Variants in MROH1 observed in about 807,000 individuals in gnomAD.
MROH1 encodes the protein maestro heat like repeat family member 1, also known as maestro heat-like repeat-containing protein family member 1.
In MROH1, 117 loss-of-function variants were observed where a neutral mutation model predicts 116.5. The ratio of observed to expected loss-of-function variants is 1.00; its 90% CI spans 0.86 to 1.17. MROH1 has a LOEUF of 1.17. Ranked by LOEUF, MROH1 falls within the 50% of genes most tolerant of loss-of-function variation. The pLI is 0.00. For missense variants in MROH1, 1,873 were observed against 1,338.5 expected (o/e 1.40, Z -6.23); for synonymous variants, 921 against 583.9 (o/e 1.58, Z -8.32).
At chr8:144,169,142 CA>C (rs1821771157) in intron 4 of MROH1, among the ~76,000 whole-genome samples, 1 of 152,242 alleles carries the variant, frequency 6.6e-6, no homozygotes, top group Non-Finnish European at 1.5e-5. Context: ...AACTGTTATG[CA>C]CGCTTTCTAG....
At chr8:144,169,995 G>A (rs1421603827) in intron 4 of MROH1, among the ~76,000 whole-genome samples, 3 of 152,108 alleles carry the variant, frequency 2.0e-5, no homozygotes, top group Non-Finnish European at 2.9e-5. Context: ...CACCATGCCC[G>A]GCTAATTTTT....
rs752041519 is a variant in MROH1, at chr8:144,179,544, C to G, written c.258C>G (p.Ser86Arg). The G allele has an allele frequency of 1.9e-6, 3 of 1,613,242 alleles. No individual in the cohort carries two copies. Among genetic ancestry groups the G allele is most frequent in the Admixed American group, 3.3e-5 (2 of 59,934 alleles). The change falls in exon 5 of 44, where the codon AGC becomes AGG. Residue 86 changes from serine to arginine, a missense_variant. By Grantham distance (110) the Ser-to-Arg change is moderately radical. Transcript: ENST00000326134. ...RASELDKDTA[S>R]TIILLASSEM... ...GTGAGCTGGACAAGGACACAGCCAG[C>G]ACCATCATCCTCCTGGCCTCCAGCG...
At chr8:144,250,481 A>G in intron 33 of MROH1, 115 bp downstream of exon 33, 3 of 699,928 alleles carry the variant, frequency 4.3e-6, no homozygotes, top group Admixed American at 4.0e-5. Context: ...ATGAGTTCCC[A>G]TGGCTGTAGG....
At chr8:144,177,597 C>T (rs1303393176) in intron 4 of MROH1, among the ~76,000 whole-genome samples, 1 of 152,176 alleles carries the variant, frequency 6.6e-6, no homozygotes, top group Non-Finnish European at 1.5e-5. Flanking sequence ...GACCCTGTGA[C>T]CATCAGTGTC....
intron 12 of MROH1, chr8:144,213,350 T>C: frequency 2.4e-6 from 1 of 412,736 alleles, no homozygotes; most frequent in Non-Finnish European, 4.3e-6. Flanking sequence ...TCGTTGATGG[T>C]TTTGCTGGTT....
At chr8:144,248,310 A>G (rs1020328007) in intron 31 of MROH1, among the ~76,000 whole-genome samples, 2 of 152,150 alleles carry the variant, frequency 1.3e-5, no homozygotes, top group African/African-American at 4.8e-5. Flanking sequence ...CGGGGGGGAA[A>G]AAAAGAGTCC....
At chr8:144,167,405 G>A (rs1194506512) in intron 3 of MROH1, among the ~76,000 whole-genome samples, 1 of 126,044 alleles carries the variant, frequency 7.9e-6, no homozygotes, top group African/African-American at 3.6e-5. Context: ...TGGAGTGGCC[G>A]GTTGTTGGGG....
chr8:144,248,713 G>A lies in MROH1; in HGVS notation c.3121-164G>A, dbSNP rs1041830239. On this transcript the variant is annotated intron_variant, in intron 31 of 43. Coordinates refer to ENST00000326134, the MANE Select transcript of MROH1 (RefSeq NM_032450.3). ...TTCCGGAGAAGGAGACCCCACCCCC[G>A]TGCAGCGAGCTCATTGAAGGCGCAG... Among the ~76,000 whole-genome samples the A allele has an allele frequency of 2.0e-3, 311 of 152,308 alleles. 1 individual carries two copies. The highest frequency in any genetic ancestry group is 6.9e-3 in the African/African-American group (286 of 41,536).
intron 10 of MROH1, 142 bp downstream of exon 10, chr8:144,192,543 T>G: frequency 1.3e-6 from 1 of 740,840 alleles, no homozygotes; most frequent in Non-Finnish European, 2.4e-6. Context: ...TGAAGGTCAC[T>G]CGGGTGACTT....
chr8:144,159,114 T>C (rs541694199), intron 1 of MROH1, among the ~76,000 whole-genome samples: 183 of 152,224 alleles, frequency 1.2e-3, no homozygotes, highest in African/African-American at 4.2e-3. Context: ...TCCCAGCACT[T>C]TGGGAGGCTG....
intron 1 of MROH1, among the ~76,000 whole-genome samples, chr8:144,149,878 G>A (rs1344139550): frequency 1.3e-5 from 2 of 151,532 alleles, no homozygotes; most frequent in African/African-American, 2.4e-5. Flanking sequence ...TGGACTGTGA[G>A]CAGTGGGCTG....
At chr8:144,227,235 C>T (rs1837980628) in intron 14 of MROH1, among the ~76,000 whole-genome samples, 1 of 152,150 alleles carries the variant, frequency 6.6e-6, no homozygotes, top group East Asian at 1.9e-4. Flanking sequence ...GTTTTCTTGA[C>T]TTACTACATT....
chr8:144,232,934 C>T (rs1222683388), intron 14 of MROH1, among the ~76,000 whole-genome samples: 1 of 151,854 alleles, frequency 6.6e-6, no homozygotes, highest in African/African-American at 2.4e-5. Flanking sequence ...TCAAGCAGTC[C>T]TCCTGCCTCA....
At chr8:144,171,308 G>A (rs144158604) in intron 4 of MROH1, among the ~76,000 whole-genome samples, 11 of 152,290 alleles carry the variant, frequency 7.2e-5, no homozygotes, top group East Asian at 3.9e-4. Context: ...AGTGGCCTGC[G>A]TTTACCCATT....
chr8:144,256,881 G>A (rs1254780888), intron 35 of MROH1, among the ~76,000 whole-genome samples: 1 of 152,250 alleles, frequency 6.6e-6, no homozygotes, highest in African/African-American at 2.4e-5. Context: ...GCAGCCTGGA[G>A]CGCAGCCCCT....
At chr8:144,189,155 G>T (rs1442558391) in intron 7 of MROH1, among the ~76,000 whole-genome samples, 1 of 152,230 alleles carries the variant, frequency 6.6e-6, no homozygotes, top group Non-Finnish European at 1.5e-5. Context: ...AGCCACTCTG[G>T]AGAGAGTGGG....
intron 10 of MROH1, among the ~76,000 whole-genome samples, chr8:144,198,218 C>A (rs1206820388): frequency 6.6e-6 from 1 of 152,132 alleles, no homozygotes; most frequent in African/African-American, 2.4e-5. Context: ...GTTACCTCTT[C>A]TGGCTCATAA....
At chr8:144,172,682 T>G (rs781293090) in intron 4 of MROH1, among the ~76,000 whole-genome samples, 7 of 152,266 alleles carry the variant, frequency 4.6e-5, no homozygotes, top group African/African-American at 7.2e-5. Context: ...GTGCTGGGAT[T>G]ACAGGTGCGA....
chr8:144,223,895 C>T (rs1157034049), intron 14 of MROH1, among the ~76,000 whole-genome samples: 1 of 152,216 alleles, frequency 6.6e-6, no homozygotes, highest in African/African-American at 2.4e-5. Flanking sequence ...CACTGTGGTG[C>T]CCACTGTGCC....
Sources: allele counts gnomAD v4.1 joint callset (sites outside exome capture counted in the v4.1 genomes callset), GRCh38; gene constraint gnomAD v4.1.1; transcripts MANE v1.5; gene names NCBI Gene and HGNC (gene_info 2026-07-23, HGNC 2026-07-21).